The following TGFBR1 variants were observed in gnomAD, a reference collection of about 807,000 sequenced individuals.
TGFBR1 encodes the protein transforming growth factor beta receptor 1.
Under a neutral mutation model 55.1 loss-of-function variants are expected in TGFBR1, and 20 were observed. That is an observed-to-expected ratio of 0.36 (90% confidence interval 0.26 to 0.53). The LOEUF (loss-of-function observed/expected upper bound fraction) is 0.53. TGFBR1 is among the 20% of genes least tolerant of loss of function. The pLI is 0.91. For synonymous variants in TGFBR1, 220 were observed against 214.8 expected (o/e 1.02, Z -0.21); for missense variants, 385 against 617.6 (o/e 0.62, Z 3.99).
intron 2 of TGFBR1, 61 bp from the exon 3 acceptor site, chr9:99,132,448 G>T (rs1253312272): frequency 5.0e-6 from 8 of 1,604,630 alleles, no homozygotes; most frequent in Non-Finnish European, 6.8e-6. Flanking sequence ...GAAAATGGGG[G>T]TTGCCACCTA....
At chr9:99,104,879 G>A (rs1826352297), upstream of TGFBR1, among the ~76,000 whole-genome samples, 2 of 152,090 alleles carry the variant, frequency 1.3e-5, no homozygotes. Context: ...GGAGCCGGGA[G>A]CCGATCGGGC....
At chr9:99,128,681 T>C in intron 1 of TGFBR1, 174 bp from the exon 2 acceptor site, 1 of 856,642 alleles carries the variant, frequency 1.2e-6, no homozygotes, top group Non-Finnish European at 1.9e-6. Context: ...TGGTTCTTAA[T>C]ATAATTTGAA....
intron 1 of TGFBR1, among the ~76,000 whole-genome samples, chr9:99,117,628 A>G (rs973824714): frequency 2.6e-5 from 4 of 152,112 alleles, no homozygotes; most frequent in Admixed American, 6.5e-5. Flanking sequence ...CCAGTGTACA[A>G]TCACCTTCAT....
At chr9:99,113,155 T>C (rs1231451176) in intron 1 of TGFBR1, among the ~76,000 whole-genome samples, 1 of 152,218 alleles carries the variant, frequency 6.6e-6, no homozygotes, top group African/African-American at 2.4e-5. Context: ...CTTCTGGTTG[T>C]ATTGAAATTA....
intron 1 of TGFBR1, among the ~76,000 whole-genome samples, chr9:99,122,121 G>A (rs921571562): frequency 2.0e-5 from 3 of 152,232 alleles, no homozygotes; most frequent in African/African-American, 7.2e-5. Flanking sequence ...AGAGATTTCA[G>A]TTGAGCTCTG....
chr9:99,116,101 C>T (rs1182556796), intron 1 of TGFBR1, among the ~76,000 whole-genome samples: 1 of 151,134 alleles, frequency 6.6e-6, no homozygotes, highest in African/African-American at 2.4e-5. Flanking sequence ...TATTTCGATG[C>T]ATGTATAAAC....
At position 99,132,565 on chromosome 9, in the gene TGFBR1, G is replaced by C; in HGVS notation, c.400G>C (p.Val134Leu). The C allele has an allele frequency of 6.2e-7, 1 of 1,614,168 alleles. No individual in the cohort carries two copies. The highest frequency in any genetic ancestry group is 1.3e-5 in the African/African-American group (1 of 75,042). The change falls in exon 3 of 9, where the codon GTG becomes CTG. Residue 134 changes from valine (V) to leucine (L), a missense_variant. Val to Leu is a conservative substitution (Grantham distance 32). Transcript: ENST00000374994. Reference sequence around the variant, plus strand: ...ACTGGCAGCTGTCATTGCTGGACCAGTGTGCTTCGTCTGCATCTCACTCAT... The same window carrying C: ...ACTGGCAGCTGTCATTGCTGGACCACTGTGCTTCGTCTGCATCTCACTCAT... Reference protein sequence around the residue: ...VELAAVIAGPVCFVCISLMLM... With the variant: ...VELAAVIAGPLCFVCISLMLM...
chr9:99,131,918 A>C (rs1479828875), intron 2 of TGFBR1, among the ~76,000 whole-genome samples: 6 of 151,990 alleles, frequency 3.9e-5, no homozygotes, highest in African/African-American at 1.5e-4. Context: ...CAGTGAGCCA[A>C]CATCATACCA....
rs761368421 is a variant in TGFBR1, at chr9:99,128,913, G to A, written c.156G>A (p.Gly52=). 2.5e-6 allele frequency: 4 copies of A among 1,613,710 alleles called. No homozygotes were observed. Among genetic ancestry groups the A allele is most frequent in the Non-Finnish European group, 3.4e-6 (4 of 1,179,900 alleles). ...TKDNFTCVTD[G]LCFVSVTETT... ...ACAATTTTACTTGTGTGACAGATGG[G>A]CTCTGCTTTGTCTCTGTCACAGAGA... Residue 52 remains glycine, a synonymous_variant, in exon 2 of 9, where the codon GGG becomes GGA. Transcript: ENST00000374994.
intron 6 of TGFBR1, 108 bp downstream of exon 6, chr9:99,144,996 T>G: frequency 7.8e-7 from 1 of 1,282,492 alleles, no homozygotes; most frequent in African/African-American, 1.5e-5. Flanking sequence ...TGCACTTTAT[T>G]AGATTGCCAA....
intron 7 of TGFBR1, 88 bp from the exon 8 acceptor site, chr9:99,147,566 C>T (rs571131261): frequency 1.6e-6 from 2 of 1,254,786 alleles, no homozygotes; most frequent in African/African-American, 1.5e-5. Flanking sequence ...TAATGAAACA[C>T]TGTAATAGGT....
At chr9:99,135,390 T>C (rs1827400790) in intron 3 of TGFBR1, among the ~76,000 whole-genome samples, 2 of 152,214 alleles carry the variant, frequency 1.3e-5, no homozygotes, top group Admixed American at 1.3e-4. Context: ...TTTGTAATAC[T>C]CTGTTTTTAG....
intron 1 of TGFBR1, among the ~76,000 whole-genome samples, chr9:99,118,375 T>C (rs1318414680): frequency 6.6e-6 from 1 of 152,196 alleles, no homozygotes; most frequent in Non-Finnish European, 1.5e-5. Flanking sequence ...GTGATGGATA[T>C]CTCTTTCTTA....
At chr9:99,137,485 T>TGC (rs1827472912) in intron 3 of TGFBR1, among the ~76,000 whole-genome samples, 1 of 152,194 alleles carries the variant, frequency 6.6e-6, no homozygotes, top group Non-Finnish European at 1.5e-5. Context: ...TTCACTGCTT[T>TGC]GCCACATATA....
intron 1 of TGFBR1, among the ~76,000 whole-genome samples, chr9:99,128,475 T>TAAAAAAAAAA (rs66612011): frequency 3.8e-5 from 4 of 104,048 alleles, no homozygotes; most frequent in Non-Finnish European, 7.8e-5. Flanking sequence ...TTGGGCCTGG[T>TAAAAAAAAAA]AAAAAAAAAA....
chr9:99,103,649 G>A (rs995951244), upstream of TGFBR1, among the ~76,000 whole-genome samples: 2 of 152,206 alleles, frequency 1.3e-5, no homozygotes, highest in African/African-American at 4.8e-5. Flanking sequence ...CAAGAGGGGA[G>A]TTTGCTGCTG....
At chr9:99,107,322 T>G (rs1055932565) in intron 1 of TGFBR1, among the ~76,000 whole-genome samples, 1 of 152,202 alleles carries the variant, frequency 6.6e-6, no homozygotes, top group Non-Finnish European at 1.5e-5. Flanking sequence ...ACTTGCACCT[T>G]TTTATGTTCT....
At chr9:99,128,555 G>T in intron 1 of TGFBR1, 3 of 448,020 alleles carry the variant, frequency 6.7e-6, no homozygotes, top group East Asian at 5.2e-5. Context: ...GCAAATGCTT[G>T]CCTTGCTTTG....
chr9:99,141,300 G>T (rs985530751), intron 4 of TGFBR1, among the ~76,000 whole-genome samples: 1 of 152,198 alleles, frequency 6.6e-6, no homozygotes, highest in African/African-American at 2.4e-5. Context: ...TTAATACTAA[G>T]TCCTTTTAAA....
Sources: allele counts gnomAD v4.1 joint callset (sites outside exome capture counted in the v4.1 genomes callset), GRCh38; gene constraint gnomAD v4.1.1; transcripts MANE v1.5; gene names NCBI Gene and HGNC (gene_info 2026-07-23, HGNC 2026-07-21).